Variants in MEIKIN observed in about 807,000 individuals in gnomAD.
MEIKIN encodes the protein meiotic kinetochore factor, also known as meiosis-specific kinetochore protein.
chr5:131,828,340 T>A (rs977443155), intron 11 of MEIKIN, among the ~76,000 whole-genome samples: 1 of 152,096 alleles, frequency 6.6e-6, no homozygotes, highest in Non-Finnish European at 1.5e-5. Context: ...TTTTTGTATT[T>A]TTTTTAGAGA....
intron 5 of MEIKIN, among the ~76,000 whole-genome samples, chr5:131,928,922 A>G (rs1751636696): frequency 6.6e-6 from 1 of 152,176 alleles, no homozygotes; most frequent in African/African-American, 2.4e-5. Flanking sequence ...TTATACTTTC[A>G]TGTTACTGTT....
chr5:131,922,009 AC>A, intron 5 of MEIKIN, 68 bp from the exon 6 acceptor site: 1 of 397,574 alleles, frequency 2.5e-6, no homozygotes, highest in Non-Finnish European at 4.4e-6. Flanking sequence ...GTTACTCCCT[AC>A]CCCACCTTAG....
chr5:131,861,903 T>C (rs1335912065), intron 9 of MEIKIN, among the ~76,000 whole-genome samples: 1 of 152,206 alleles, frequency 6.6e-6, no homozygotes, highest in Admixed American at 6.5e-5. Context: ...CCTGTAGTTT[T>C]CTCTTTGCTG....
intron 7 of MEIKIN, among the ~76,000 whole-genome samples, chr5:131,913,066 A>T (rs747884880): frequency 7.2e-5 from 11 of 152,216 alleles, no homozygotes; most frequent in Non-Finnish European, 1.5e-4. Flanking sequence ...ACACATAATC[A>T]AATGTGGACC....
At chr5:131,808,213 T>G (rs949795673) in intron 12 of MEIKIN, among the ~76,000 whole-genome samples, 2 of 152,236 alleles carry the variant, frequency 1.3e-5, no homozygotes, top group African/African-American at 2.4e-5. Context: ...CCTCAGACAC[T>G]GCTCGCTCAT....
intron 9 of MEIKIN, among the ~76,000 whole-genome samples, chr5:131,872,263 G>T (rs552043655): frequency 6.6e-6 from 1 of 151,910 alleles, no homozygotes; most frequent in Non-Finnish European, 1.5e-5. Flanking sequence ...AAAATTAGAC[G>T]AATGGATAAC....
intron 12 of MEIKIN, among the ~76,000 whole-genome samples, chr5:131,814,950 A>T (rs1436295102): frequency 1.3e-5 from 2 of 152,194 alleles, no homozygotes; most frequent in African/African-American, 4.8e-5. Flanking sequence ...GTATGGCACT[A>T]TTCCTCTGGG....
rs972923501 is a variant in MEIKIN at position 131,945,404 on chromosome 5, C to A, written c.102G>T (p.Pro34=). ...DLGSPAKAEA[P]PGSKRKGKVH... is the part of the protein sequence containing the mutation. ...GGGCGAGCCTTGAGCCTGTACCTGG[C>A]GGGGCCTCGGCCTTCGCTGGAGAGC... Residue 34 remains proline (P), a synonymous_variant, in exon 1 of 13, where the codon CCG becomes CCT. Transcript: ENST00000442687. 11 of 399,070 alleles carry A rather than the reference C, an allele frequency of 2.8e-5. No individual in the cohort carries two copies. Among genetic ancestry groups the A allele is most frequent in the African/African-American group, 1.0e-4 (5 of 48,636 alleles). 24.7% of individuals were successfully genotyped at this position (399,070 alleles called of 1,614,324 possible).
At chr5:131,922,164 A>G (rs1441559877) in intron 5 of MEIKIN, among the ~76,000 whole-genome samples, 1 of 152,200 alleles carries the variant, frequency 6.6e-6, no homozygotes, top group Non-Finnish European at 1.5e-5. Context: ...AGACTTTTCT[A>G]CCATGCGGAT....
intron 11 of MEIKIN, among the ~76,000 whole-genome samples, chr5:131,838,407 T>A (rs944910271): frequency 2.6e-5 from 4 of 152,106 alleles, no homozygotes; most frequent in African/African-American, 9.7e-5. Flanking sequence ...TCAATTTTTT[T>A]TAATAGTTTA....
At chr5:131,855,813 A>G (rs554096685) in intron 9 of MEIKIN, among the ~76,000 whole-genome samples, 1 of 152,298 alleles carries the variant, frequency 6.6e-6, no homozygotes, top group Non-Finnish European at 1.5e-5. Context: ...AGAGAGAGAA[A>G]ATCTAGGATA....
intron 11 of MEIKIN, among the ~76,000 whole-genome samples, chr5:131,819,264 C>T (rs1450368460): frequency 1.3e-5 from 2 of 151,802 alleles, no homozygotes; most frequent in Non-Finnish European, 2.9e-5. Context: ...TTTTTTACCT[C>T]AGGTAATGTT....
At chr5:131,908,400 A>T (rs1409404027) in intron 8 of MEIKIN, among the ~76,000 whole-genome samples, 2 of 152,228 alleles carry the variant, frequency 1.3e-5, no homozygotes, top group East Asian at 3.8e-4. Context: ...AAAAATTCTC[A>T]AAACAGTAGG....
At chr5:131,817,294 C>T (rs2149602025) in intron 12 of MEIKIN, among the ~76,000 whole-genome samples, 1 of 152,176 alleles carries the variant, frequency 6.6e-6, no homozygotes, top group East Asian at 1.9e-4. Context: ...CCTCCATAAC[C>T]ACATTAGCCA....
At chr5:131,897,165 A>G (rs1312179399) in intron 8 of MEIKIN, among the ~76,000 whole-genome samples, 1 of 152,220 alleles carries the variant, frequency 6.6e-6, no homozygotes, top group Non-Finnish European at 1.5e-5. Flanking sequence ...TGGATATGAA[A>G]TTCTGGGTTG....
intron 11 of MEIKIN, among the ~76,000 whole-genome samples, chr5:131,843,718 G>C (rs1749960144): frequency 6.6e-6 from 1 of 152,102 alleles, no homozygotes; most frequent in Admixed American, 6.5e-5. Context: ...TCAGCATTTT[G>C]GTCAAAACCA....
chr5:131,919,799 G>A (rs891563426), intron 6 of MEIKIN, among the ~76,000 whole-genome samples: 1 of 152,120 alleles, frequency 6.6e-6, no homozygotes, highest in South Asian at 2.1e-4. Flanking sequence ...AAGAAGAGAA[G>A]AATGGTAGCT....
At chr5:131,936,587 G>T (rs924154864) in intron 4 of MEIKIN, among the ~76,000 whole-genome samples, 1 of 151,940 alleles carries the variant, frequency 6.6e-6, no homozygotes, top group African/African-American at 2.4e-5. Context: ...GTACTATTTT[G>T]TTCCAACTTT....
At chr5:131,878,009 A>G (rs1750644711) in intron 9 of MEIKIN, among the ~76,000 whole-genome samples, 1 of 152,136 alleles carries the variant, frequency 6.6e-6, no homozygotes, top group African/African-American at 2.4e-5. Flanking sequence ...CTCATTAGTT[A>G]CTCAGTAGCT....
Sources: gnomAD v4.1 joint callset for allele counts (sites outside exome capture counted in the v4.1 genomes callset) on GRCh38, gnomAD v4.1.1 for gene constraint, MANE v1.5 for transcripts, NCBI Gene and HGNC (gene_info 2026-07-23, HGNC 2026-07-21) for gene names.